The following FAF1 variants were observed in gnomAD, a reference collection of about 807,000 sequenced individuals.
The protein encoded by FAF1 is Fas associated factor 1, also known as FAS-associated factor 1.
In FAF1, 25 loss-of-function variants were observed where a neutral mutation model predicts 92.5. The ratio of observed to expected loss-of-function variants is 0.27; its 90% CI spans 0.20 to 0.38. The LOEUF is 0.38. FAF1 is among the 10% of genes least tolerant of loss of function. The probability of loss-of-function intolerance (pLI) is 1.00; values close to 1 mark genes in which losing one functional copy is unlikely to be tolerated. For synonymous variants in FAF1, 234 were observed against 273.2 expected (o/e 0.86, Z 1.42); for missense variants, 636 against 793.3 (o/e 0.80, Z 2.38).
rs186889345 is a variant in FAF1, at chr1:50,768,418, A to G, written c.367+19582T>C. Among the ~76,000 whole-genome samples the G allele has an allele frequency of 2.4e-3, 363 of 152,246 alleles. 1 individual carries two copies. The highest frequency in any genetic ancestry group is 4.5e-3 in the Non-Finnish European group (303 of 68,000). ...CTAACAAAGATAAAATCTGAACTCAATATTAGACCAAAAGAACCTGACAGA... is the reference window on the plus strand; with the variant it reads ...CTAACAAAGATAAAATCTGAACTCAGTATTAGACCAAAAGAACCTGACAGA... On this transcript the variant is annotated intron_variant, in intron 4 of 18. Transcript: ENST00000396153.
intron 4 of FAF1, among the ~76,000 whole-genome samples, chr1:50,785,857 G>C (rs1661342462): frequency 6.6e-6 from 1 of 152,180 alleles, no homozygotes; most frequent in African/African-American, 2.4e-5. Context: ...GCTGGGCACA[G>C]TGACTCATGC....
chr1:50,533,403 T>A (rs1472553895), intron 15 of FAF1, among the ~76,000 whole-genome samples: 1 of 152,190 alleles, frequency 6.6e-6, no homozygotes, highest in Non-Finnish European at 1.5e-5. Flanking sequence ...TAACCAAATT[T>A]TTTTTTCAAG....
At position 50,532,858 on chromosome 1, in the gene FAF1, C is replaced by T. The variant is rs557796974; in HGVS notation, c.1494+2511G>A. On this transcript the variant is annotated intron_variant, in intron 15 of 18. Transcript: ENST00000396153. Reference sequence around the variant, plus strand: ...ACAGGGTCTCACTCTGTCACCCAGACTGGAGTATAGTGGTGCAAGCATAGC... The same window carrying T: ...ACAGGGTCTCACTCTGTCACCCAGATTGGAGTATAGTGGTGCAAGCATAGC... 1.6e-4 allele frequency among the ~76,000 whole-genome samples: 24 copies of T among 152,290 alleles called. No individual in the cohort carries two copies. In the South Asian group the frequency reaches 5.0e-3, roughly 32 times the overall value.
At chr1:50,566,876 TAA>T (rs1650196525) in intron 13 of FAF1, among the ~76,000 whole-genome samples, 199 bp downstream of exon 13, 1 of 152,132 alleles carries the variant, frequency 6.6e-6, no homozygotes, top group Admixed American at 6.6e-5. Context: ...TTCTTGAATT[TAA>T]AAAGTTTTTA....
intron 7 of FAF1, among the ~76,000 whole-genome samples, chr1:50,659,220 G>T (rs953334310): frequency 6.0e-5 from 9 of 151,162 alleles, no homozygotes; most frequent in African/African-American, 1.9e-4. Flanking sequence ...AAGGAGGGAA[G>T]ATGAAGAAAT....
chr1:50,554,351 A>ATTAAAT (rs1227029455), intron 13 of FAF1, among the ~76,000 whole-genome samples: 1 of 144,504 alleles, frequency 6.9e-6, no homozygotes, highest in African/African-American at 2.6e-5. Context: ...TGTGGAAAAG[A>ATTAAAT]TTAAATGAGG....
intron 2 of FAF1, among the ~76,000 whole-genome samples, chr1:50,829,981 G>T (rs1434125474): frequency 2.6e-5 from 4 of 152,206 alleles, no homozygotes; most frequent in Non-Finnish European, 4.4e-5. Context: ...GTCTTGCTAT[G>T]TCCCTTTTAG....
chr1:50,755,943 C>T lies in FAF1; in HGVS notation c.368-11168G>A, dbSNP rs12076316. Among the ~76,000 whole-genome samples the T allele has an allele frequency of 7.3e-3, 1,110 of 152,274 alleles. 12 individuals carry two copies. The highest frequency in any genetic ancestry group is 0.025 in the African/African-American group (1,059 of 41,550). ...GCACAGGGACCCTGGGTCCAGCCCA[C>T]GAAACCACTTTTTCTTTCTAGGCCT... On this transcript the variant is annotated intron_variant, in intron 4 of 18. Coordinates refer to ENST00000396153, the MANE Select transcript of FAF1 (RefSeq NM_007051.3).
intron 1 of FAF1, among the ~76,000 whole-genome samples, chr1:50,929,809 C>A (rs900251503): frequency 1.3e-5 from 2 of 152,172 alleles, no homozygotes; most frequent in African/African-American, 4.8e-5. Context: ...TTTAAAGGAA[C>A]ACAAACCATA....
intron 17 of FAF1, among the ~76,000 whole-genome samples, chr1:50,486,697 A>C (rs1028206829): frequency 1.3e-5 from 2 of 152,146 alleles, no homozygotes; most frequent in African/African-American, 4.8e-5. Context: ...TTAGACAGTA[A>C]GCTCCTTGAG....
At chr1:50,730,797 G>T (rs905298480) in intron 6 of FAF1, among the ~76,000 whole-genome samples, 1 of 152,116 alleles carries the variant, frequency 6.6e-6, no homozygotes, top group African/African-American at 2.4e-5. Flanking sequence ...GACCATTCAG[G>T]TATTTGCTCT....
At chr1:50,766,402 A>G (rs1056477620) in intron 4 of FAF1, among the ~76,000 whole-genome samples, 4 of 152,200 alleles carry the variant, frequency 2.6e-5, no homozygotes, top group Admixed American at 1.3e-4. Flanking sequence ...ATATGGGTAG[A>G]GATAATTCAG....
At chr1:50,672,919 A>G (rs535252433) in intron 7 of FAF1, among the ~76,000 whole-genome samples, 1 of 152,102 alleles carries the variant, frequency 6.6e-6, no homozygotes, top group African/African-American at 2.4e-5. Context: ...GGAGTTCCAG[A>G]CCAGCCTGGG....
chr1:50,817,395 A>G (rs1309650642), intron 2 of FAF1, among the ~76,000 whole-genome samples: 1 of 152,250 alleles, frequency 6.6e-6, no homozygotes, highest in African/African-American at 2.4e-5. Flanking sequence ...ACAAAAGACA[A>G]ATACTCTATG....
At chr1:50,503,529 C>T (rs948088491) in intron 15 of FAF1, among the ~76,000 whole-genome samples, 1 of 151,590 alleles carries the variant, frequency 6.6e-6, no homozygotes, top group Non-Finnish European at 1.5e-5. Context: ...TGAGGAGACT[C>T]ACTTGGGCCC....
At chr1:50,935,471 T>C (rs11205794) in intron 1 of FAF1, among the ~76,000 whole-genome samples, 2,991 of 148,316 alleles carry the variant, frequency 0.02, 94 homozygotes, top group African/African-American at 0.071. Flanking sequence ...TGATTTACTC[T>C]CTCTTTTTTT....
At chr1:50,941,197 T>TTTTTG (rs376393650) in intron 1 of FAF1, among the ~76,000 whole-genome samples, 23 of 151,792 alleles carry the variant, frequency 1.5e-4, no homozygotes, top group African/African-American at 4.1e-4. Context: ...CACGCTCAAC[T>TTTTTG]TTTTGTTTTG....
Position 50,554,390 on chromosome 1 carries a change from T to TAGAGAGAGAGAGAGAGAG in FAF1, c.1268+12669_1268+12686dup, listed in dbSNP as rs34360366. On this transcript the variant is annotated intron_variant, in intron 13 of 18. Coordinates refer to ENST00000396153, the MANE Select transcript of FAF1 (RefSeq NM_007051.3). ...ATATATATATATATATATATATATATAGAGAGAGAGAGAGAGAGAGAGAGA... is the reference window on the plus strand; with the variant it reads ...ATATATATATATATATATATATATATAGAGAGAGAGAGAGAGAGAGAGAGAGAGAGAGAGAGAGAGAGA... Among the ~76,000 whole-genome samples the TAGAGAGAGAGAGAGAGAG allele has an allele frequency of 7.4e-4, 69 of 93,628 alleles. 1 individual carries two copies. Among genetic ancestry groups the TAGAGAGAGAGAGAGAGAG allele is most frequent in the African/African-American group, 2.5e-3 (52 of 21,118 alleles). The allele number at this position is 93,628 out of a possible 152,430, so 61.4% of individuals were successfully genotyped here.
At chr1:50,884,978 G>C (rs2124692737) in intron 1 of FAF1, among the ~76,000 whole-genome samples, 1 of 152,166 alleles carries the variant, frequency 6.6e-6, no homozygotes, top group South Asian at 2.1e-4. Flanking sequence ...TCAGGTTTTA[G>C]ATTTCTTTAT....
Sources: gnomAD v4.1 joint callset for allele counts (sites outside exome capture counted in the v4.1 genomes callset) on GRCh38, gnomAD v4.1.1 for gene constraint, MANE v1.5 for transcripts, NCBI Gene and HGNC (gene_info 2026-07-23, HGNC 2026-07-21) for gene names.